Variants in RALYL observed in about 807,000 individuals in gnomAD.
RALYL encodes RNA-binding Raly-like protein.
Under a neutral mutation model 35.1 loss-of-function variants are expected in RALYL, and 29 were observed. The observed-to-expected ratio is 0.83, with a 90% CI of 0.61 to 1.13. The LOEUF is 1.13. RALYL is among the 50% of genes most tolerant of loss of function. The pLI, the probability that RALYL is intolerant of heterozygous loss-of-function variation, is 0.00. For synonymous variants in RALYL, 120 were observed against 127.6 expected (o/e 0.94, Z 0.40); for missense variants, 359 against 360.4 (o/e 1.00, Z 0.03).
At chr8:84,567,988 G>C (rs2061902774) in intron 2 of RALYL, among the ~76,000 whole-genome samples, 1 of 151,468 alleles carries the variant, frequency 6.6e-6, no homozygotes. Flanking sequence ...TGTGTTTGTT[G>C]GCTGCTTGTG....
At chr8:84,702,539 T>TCACACACA (rs10678224) in intron 2 of RALYL, among the ~76,000 whole-genome samples, 25 of 136,532 alleles carry the variant, frequency 1.8e-4, no homozygotes, top group African/African-American at 4.9e-4. Context: ...TCTCTCTCTC[T>TCACACACA]CACACACACA....
chr8:84,433,862 T>TAA (rs1491060452), intron 1 of RALYL, among the ~76,000 whole-genome samples: 3 of 142,138 alleles, frequency 2.1e-5, no homozygotes, highest in Non-Finnish European at 3.0e-5. Context: ...TATATATATA[T>TAA]AATACCATGT....
intron 2 of RALYL, among the ~76,000 whole-genome samples, chr8:84,745,849 GT>G (rs956073712): frequency 1.3e-5 from 2 of 151,858 alleles, no homozygotes; most frequent in African/African-American, 2.4e-5. Flanking sequence ...TCATTCCTGT[GT>G]TTTTTTAGCC....
chr8:84,595,727 T>C (rs1280450165), intron 2 of RALYL, among the ~76,000 whole-genome samples: 1 of 151,062 alleles, frequency 6.6e-6, no homozygotes, highest in Non-Finnish European at 1.5e-5. Flanking sequence ...TTTTTTCCTC[T>C]CTAGAAAATC....
chr8:84,582,709 G>A (rs1248196790), intron 2 of RALYL, among the ~76,000 whole-genome samples: 1 of 151,932 alleles, frequency 6.6e-6, no homozygotes, highest in East Asian at 1.9e-4. Context: ...GGAGAGCTGG[G>A]ATCTAGTATC....
intron 1 of RALYL, among the ~76,000 whole-genome samples, chr8:84,522,888 T>G (rs1354136664): frequency 6.6e-6 from 1 of 152,148 alleles, no homozygotes; most frequent in African/African-American, 2.4e-5. Context: ...ATGCTGCTAA[T>G]AAAGACATAC....
intron 2 of RALYL, among the ~76,000 whole-genome samples, chr8:84,614,012 A>G (rs1048955524): frequency 5.3e-5 from 8 of 151,148 alleles, no homozygotes; most frequent in Non-Finnish European, 8.8e-5. Context: ...CATCTCCACA[A>G]TTTATAAGCT....
rs553760607 is a variant in RALYL at position 84,424,903 on chromosome 8, A to C, written c.-23-104396A>C. ...GGACCCACTTGAGGAGGCAGTCTGCAGGTTCTCAGATCTCCAGCTGTGTGC... is the reference window on the plus strand; with the variant it reads ...GGACCCACTTGAGGAGGCAGTCTGCCGGTTCTCAGATCTCCAGCTGTGTGC... On this transcript the variant is annotated intron_variant, in intron 1 of 8. Coordinates refer to ENST00000521268, the MANE Select transcript of RALYL (RefSeq NM_173848.7). 2.2e-4 allele frequency among the ~76,000 whole-genome samples: 33 copies of C among 149,442 alleles called. No individual in the cohort carries two copies. In the East Asian group the frequency reaches 3.1e-3, roughly 14 times the overall value.
chr8:84,795,781 TC>T, intron 3 of RALYL, among the ~76,000 whole-genome samples: 1 of 152,204 alleles, frequency 6.6e-6, no homozygotes. Flanking sequence ...AACATGATGT[TC>T]CCAGCAGCCA....
chr8:84,687,626 G>A (rs1837090447), intron 2 of RALYL, among the ~76,000 whole-genome samples: 1 of 152,104 alleles, frequency 6.6e-6, no homozygotes, highest in South Asian at 2.1e-4. Flanking sequence ...TTTAAAAAAT[G>A]TGTTGCATAA....
chr8:84,366,030 C>T (rs1854186253), intron 1 of RALYL, among the ~76,000 whole-genome samples: 1 of 152,152 alleles, frequency 6.6e-6, no homozygotes, highest in South Asian at 2.1e-4. Flanking sequence ...GTATCACTTG[C>T]TCTAGATTCA....
intron 1 of RALYL, among the ~76,000 whole-genome samples, chr8:84,199,712 A>G (rs1006118733): frequency 6.6e-6 from 1 of 152,278 alleles, no homozygotes; most frequent in Non-Finnish European, 1.5e-5. Flanking sequence ...TCTTCTGCAT[A>G]TGGGTATCCA....
intron 7 of RALYL, among the ~76,000 whole-genome samples, chr8:84,884,160 C>T (rs890055341): frequency 6.6e-6 from 1 of 152,028 alleles, no homozygotes; most frequent in Non-Finnish European, 1.5e-5. Context: ...TAAAGATCGA[C>T]CTCTGTATCA....
chr8:84,771,443 C>T (rs1207644933), intron 2 of RALYL, among the ~76,000 whole-genome samples: 1 of 152,028 alleles, frequency 6.6e-6, no homozygotes, highest in Admixed American at 6.6e-5. Flanking sequence ...AGAGTTTGAA[C>T]ATTTTAAGTT....
At chr8:84,377,260 G>T (rs1443957846) in intron 1 of RALYL, among the ~76,000 whole-genome samples, 1 of 151,600 alleles carries the variant, frequency 6.6e-6, no homozygotes, top group Non-Finnish European at 1.5e-5. Context: ...GGTAAGTTTG[G>T]AACACACTGA....
chr8:84,557,195 T>C (rs771266992), intron 2 of RALYL, among the ~76,000 whole-genome samples: 1 of 152,220 alleles, frequency 6.6e-6, no homozygotes, highest in Admixed American at 6.5e-5. Context: ...TGTAAATATA[T>C]ATCCCCACTA....
chr8:84,567,677 GTT>G (rs200193309), intron 2 of RALYL, among the ~76,000 whole-genome samples: 1 of 141,364 alleles, frequency 7.1e-6, no homozygotes. Flanking sequence ...AGTGAACGTT[GTT>G]TTTTTTTTTT....
intron 1 of RALYL, among the ~76,000 whole-genome samples, chr8:84,236,380 A>G (rs1366186170): frequency 1.3e-5 from 2 of 152,194 alleles, no homozygotes; most frequent in African/African-American, 4.8e-5. Context: ...CTGAACAGTT[A>G]CCAAGAATTT....
intron 2 of RALYL, among the ~76,000 whole-genome samples, chr8:84,767,140 AAT>A (rs1301565628): frequency 6.6e-6 from 1 of 152,224 alleles, no homozygotes; most frequent in African/African-American, 2.4e-5. Context: ...AGATTGGTCA[AAT>A]AAATGTAGTT....
Sources: gnomAD v4.1 joint callset for allele counts (sites outside exome capture counted in the v4.1 genomes callset) on GRCh38, gnomAD v4.1.1 for gene constraint, MANE v1.5 for transcripts, NCBI Gene and HGNC (gene_info 2026-07-23, HGNC 2026-07-21) for gene names.